The following NKAIN2 variants were observed in gnomAD, a reference collection of about 807,000 sequenced individuals.
NKAIN2 encodes sodium/potassium transporting ATPase interacting 2.
Under a neutral mutation model 32.6 loss-of-function variants are expected in NKAIN2, and 14 were observed. That is an observed-to-expected ratio of 0.43 (90% CI 0.28 to 0.67). The LOEUF is 0.67. Ranked by LOEUF, NKAIN2 falls within the 30% of genes least tolerant of loss-of-function variation. The pLI, the probability that NKAIN2 is intolerant of heterozygous loss-of-function variation, is 0.17. For synonymous variants in NKAIN2, 80 were observed against 87.2 expected (o/e 0.92, Z 0.46); for missense variants, 198 against 258.3 (o/e 0.77, Z 1.60).
intron 2 of NKAIN2, among the ~76,000 whole-genome samples, chr6:124,347,248 C>G (rs974258572): frequency 6.6e-6 from 1 of 152,146 alleles, no homozygotes; most frequent in Non-Finnish European, 1.5e-5. Context: ...CCCGACCTTT[C>G]TCTCTGGCTG....
At chr6:124,726,133 G>C (rs1776289931) in intron 4 of NKAIN2, among the ~76,000 whole-genome samples, 1 of 152,172 alleles carries the variant, frequency 6.6e-6, no homozygotes, top group Admixed American at 6.5e-5. Context: ...CCTGGGGGAG[G>C]GGCGCCCACC....
intron 4 of NKAIN2, among the ~76,000 whole-genome samples, chr6:124,762,044 G>A (rs888736992): frequency 2.0e-5 from 3 of 152,104 alleles, no homozygotes; most frequent in Non-Finnish European, 4.4e-5. Flanking sequence ...GATGTTTGGT[G>A]TATAAGAGTT....
chr6:124,272,007 G>T (rs1164148181), intron 1 of NKAIN2, among the ~76,000 whole-genome samples: 2 of 152,148 alleles, frequency 1.3e-5, no homozygotes, highest in East Asian at 1.9e-4. Flanking sequence ...TCAGTTTTAT[G>T]CAGTCACAAA....
chr6:124,193,557 C>A (rs897596087), intron 1 of NKAIN2, among the ~76,000 whole-genome samples: 9 of 152,162 alleles, frequency 5.9e-5, no homozygotes, highest in African/African-American at 2.2e-4. Context: ...CTATGTCTGG[C>A]TCCCAGAAGG....
intron 3 of NKAIN2, among the ~76,000 whole-genome samples, chr6:124,422,696 C>T (rs1012657370): frequency 3.3e-5 from 5 of 152,222 alleles, no homozygotes; most frequent in African/African-American, 1.2e-4. Context: ...AAGCAGCTTA[C>T]TTGCAATCTG....
intron 1 of NKAIN2, among the ~76,000 whole-genome samples, chr6:123,865,297 T>C (rs1269586709): frequency 2.6e-5 from 4 of 152,082 alleles, no homozygotes; most frequent in African/African-American, 9.6e-5. Context: ...TTTTGGACAG[T>C]TGTTCAATAT....
intron 3 of NKAIN2, among the ~76,000 whole-genome samples, chr6:124,476,141 T>C (rs548700427): frequency 4.0e-5 from 6 of 150,066 alleles, no homozygotes; most frequent in African/African-American, 1.5e-4. Context: ...AGGAAAATAA[T>C]TTCTTATCCT....
chr6:124,300,700 A>C (rs1796257839), intron 2 of NKAIN2, among the ~76,000 whole-genome samples: 1 of 152,138 alleles, frequency 6.6e-6, no homozygotes, highest in South Asian at 2.1e-4. Flanking sequence ...TCAGATGGAG[A>C]GGAGGAGCTT....
intron 5 of NKAIN2, among the ~76,000 whole-genome samples, chr6:124,802,910 A>T (rs1780330718): frequency 6.6e-6 from 1 of 152,164 alleles, no homozygotes; most frequent in Non-Finnish European, 1.5e-5. Context: ...TCTCATTAGC[A>T]TTCTTGATTT....
chr6:124,561,288 A>G (rs1325580493), intron 3 of NKAIN2, among the ~76,000 whole-genome samples: 2 of 152,196 alleles, frequency 1.3e-5, no homozygotes, highest in African/African-American at 2.4e-5. Flanking sequence ...CAACATATCT[A>G]TACAGTGTAT....
At chr6:124,189,672 C>A (rs1789918984) in intron 1 of NKAIN2, among the ~76,000 whole-genome samples, 1 of 152,092 alleles carries the variant, frequency 6.6e-6, no homozygotes, top group Admixed American at 6.6e-5. Flanking sequence ...CAGAGCAAGA[C>A]TCCATCTCAA....
intron 1 of NKAIN2, among the ~76,000 whole-genome samples, chr6:124,107,981 T>G (rs1360030675): frequency 6.6e-6 from 1 of 152,184 alleles, no homozygotes; most frequent in South Asian, 2.1e-4. Flanking sequence ...AATGTTGCAA[T>G]GGACATGTGA....
intron 2 of NKAIN2, among the ~76,000 whole-genome samples, chr6:124,330,552 T>G (rs1461692583): frequency 6.6e-6 from 1 of 152,066 alleles, no homozygotes; most frequent in East Asian, 1.9e-4. Context: ...CCTGAAGGAG[T>G]GCATAACCAT....
At chr6:123,834,873 T>A (rs1774547816) in intron 1 of NKAIN2, among the ~76,000 whole-genome samples, 1 of 152,196 alleles carries the variant, frequency 6.6e-6, no homozygotes, top group Non-Finnish European at 1.5e-5. Flanking sequence ...CTACATGAGT[T>A]GGTATTTGCA....
chr6:123,868,617 G>T (rs1772705160), intron 1 of NKAIN2, among the ~76,000 whole-genome samples: 1 of 152,026 alleles, frequency 6.6e-6, no homozygotes, highest in Admixed American at 6.5e-5. Flanking sequence ...CAAATAGTAT[G>T]GTTTAGAAAT....
chr6:124,000,509 G>A (rs149991315), intron 1 of NKAIN2, among the ~76,000 whole-genome samples: 15 of 152,140 alleles, frequency 9.9e-5, no homozygotes, highest in African/African-American at 3.6e-4. Context: ...ATTTTAGTGT[G>A]AGGAACAATA....
At chr6:124,132,073 G>A (rs542018894) in intron 1 of NKAIN2, among the ~76,000 whole-genome samples, 1 of 152,128 alleles carries the variant, frequency 6.6e-6, no homozygotes, top group Non-Finnish European at 1.5e-5. Flanking sequence ...ACTGTTAATG[G>A]GGCACTGCAG....
At chr6:124,425,147 A>C (rs186266217) in intron 3 of NKAIN2, among the ~76,000 whole-genome samples, 2 of 152,312 alleles carry the variant, frequency 1.3e-5, no homozygotes, top group East Asian at 1.9e-4. Flanking sequence ...GGGAGAAGAC[A>C]GTTTTAAGAA....
At chr6:123,916,732 A>G (rs938131551) in intron 1 of NKAIN2, among the ~76,000 whole-genome samples, 9 of 150,574 alleles carry the variant, frequency 6.0e-5, no homozygotes, top group Non-Finnish European at 7.4e-5. Flanking sequence ...GTAGATATAT[A>G]TGTGTGTGTG....
Sources: allele counts gnomAD v4.1 joint callset (sites outside exome capture counted in the v4.1 genomes callset), GRCh38; gene constraint gnomAD v4.1.1; transcripts MANE v1.5; gene names NCBI Gene and HGNC (gene_info 2026-07-23, HGNC 2026-07-21).